NKAIN3: variants seen among roughly 807,000 people sequenced by gnomAD.
NKAIN3 encodes sodium/potassium-transporting ATPase subunit beta-1-interacting protein 3.
In NKAIN3, 25 loss-of-function variants were observed where a neutral mutation model predicts 30.2. The ratio of observed to expected loss-of-function variants is 0.83; its 90% CI spans 0.60 to 1.16. The LOEUF (loss-of-function observed/expected upper bound fraction) is 1.16, where lower values mean the gene tolerates loss of function less well. NKAIN3 is among the 50% of genes most tolerant of loss of function. The pLI, the probability that NKAIN3 is intolerant of heterozygous loss-of-function variation, is 0.00. For missense variants in NKAIN3, 225 were observed against 254.1 expected (o/e 0.89, Z 0.78); for synonymous variants, 91 against 89.6 (o/e 1.02, Z -0.09).
Position 62,463,031 on chromosome 8 carries a change from G to A in NKAIN3, c.55-116508G>A, listed in dbSNP as rs571337658. On this transcript the variant is annotated intron_variant, in intron 1 of 6. Coordinates refer to ENST00000623646, the MANE Select transcript of NKAIN3 (RefSeq NM_001304533.3). Reference sequence around the variant, plus strand: ...CCAAAGTTCCTACCACATTTTGTAGGTTCAAATGTTATAGCACTTCTCATC... The same window carrying A: ...CCAAAGTTCCTACCACATTTTGTAGATTCAAATGTTATAGCACTTCTCATC... Among the ~76,000 whole-genome samples the A allele has an allele frequency of 1.8e-4, 27 of 152,254 alleles. 1 individual carries two copies. Among genetic ancestry groups the A allele is most frequent in the Admixed American group, 1.6e-3 (24 of 15,290 alleles).
At chr8:62,648,263 G>A (rs1370758628) in intron 3 of NKAIN3, among the ~76,000 whole-genome samples, 2 of 152,078 alleles carry the variant, frequency 1.3e-5, no homozygotes, top group African/African-American at 4.8e-5. Context: ...GATAGAGATG[G>A]AGATCTGAGA....
chr8:62,864,375 G>A (rs1820357644), intron 4 of NKAIN3, among the ~76,000 whole-genome samples: 1 of 152,114 alleles, frequency 6.6e-6, no homozygotes, highest in African/African-American at 2.4e-5. Flanking sequence ...TAGACCCTAC[G>A]TGGATAGAAT....
intron 1 of NKAIN3, among the ~76,000 whole-genome samples, chr8:62,397,242 C>G (rs1585761563): frequency 7.1e-6 from 1 of 140,894 alleles, no homozygotes; most frequent in African/African-American, 2.5e-5. Context: ...CCCATTTGTG[C>G]CTTTTATTAT....
chr8:62,442,980 G>C (rs1326098798), intron 1 of NKAIN3, among the ~76,000 whole-genome samples: 1 of 151,716 alleles, frequency 6.6e-6, no homozygotes, highest in Non-Finnish European at 1.5e-5. Flanking sequence ...AGTTTATTGA[G>C]GCTTCCTTTG....
rs1817633306 is a variant in NKAIN3, at chr8:62,789,463, A to C, written c.471+42334A>C. 1.3e-5 allele frequency among the ~76,000 whole-genome samples: 2 copies of C among 152,288 alleles called. 1 individual carries two copies. Among genetic ancestry groups the C allele is most frequent in the East Asian group, 3.9e-4 (2 of 5,184 alleles). On this transcript the variant is annotated intron_variant, in intron 4 of 6. Coordinates refer to ENST00000623646, the MANE Select transcript of NKAIN3 (RefSeq NM_001304533.3). ...GACAATGGGGTTTTCTAGATATACA[A>C]TCACGTCATCTGAAAACAGGGACAA...
rs574738468 is a variant in NKAIN3, at chr8:62,757,465, G to A, written c.471+10336G>A. ...AGCACTATGCTGAGAGCTCAGAGAC[G>A]CAAGGATGGAGATCAACTAAACAAG... On this transcript the variant is annotated intron_variant, in intron 4 of 6. Transcript: ENST00000623646. Among the ~76,000 whole-genome samples the A allele has an allele frequency of 1.0e-3, 154 of 152,212 alleles. 2 individuals carry two copies. The highest frequency in any genetic ancestry group is 3.7e-3 in the African/African-American group (152 of 41,534).
intron 5 of NKAIN3, among the ~76,000 whole-genome samples, chr8:62,938,859 A>C (rs1115644): frequency 0.13 from 19,584 of 152,178 alleles, 1,434 homozygotes; most frequent in East Asian, 0.25. Flanking sequence ...ACACCACCAA[A>C]AGATCACACT....
chr8:62,346,557 A>G (rs1459438592), intron 1 of NKAIN3, among the ~76,000 whole-genome samples: 1 of 152,124 alleles, frequency 6.6e-6, no homozygotes, highest in Non-Finnish European at 1.5e-5. Context: ...GATCATATAC[A>G]TGCAGAAGAA....
intron 3 of NKAIN3, among the ~76,000 whole-genome samples, chr8:62,691,634 A>G (rs1156697064): frequency 6.6e-6 from 1 of 152,186 alleles, no homozygotes; most frequent in Non-Finnish European, 1.5e-5. Flanking sequence ...AAGGCCTATT[A>G]AGTCCTGCAT....
At chr8:62,814,380 C>T (rs1404750049) in intron 4 of NKAIN3, among the ~76,000 whole-genome samples, 1 of 151,656 alleles carries the variant, frequency 6.6e-6, no homozygotes, top group Admixed American at 6.6e-5. Flanking sequence ...TTATTTCAGA[C>T]CTAATAGATA....
At chr8:62,855,369 T>A (rs1010758145) in intron 4 of NKAIN3, 2 of 735,494 alleles carry the variant, frequency 2.7e-6, no homozygotes, top group Non-Finnish European at 4.9e-6. Context: ...TATGCCTCTT[T>A]CAGCATGGGC....
intron 1 of NKAIN3, among the ~76,000 whole-genome samples, chr8:62,312,758 T>C (rs540296001): frequency 7.9e-5 from 12 of 151,360 alleles, no homozygotes; most frequent in African/African-American, 2.9e-4. Flanking sequence ...ATAGAGGCTC[T>C]AGTGAGCCAT....
chr8:62,899,771 A>T (rs1821544760), intron 4 of NKAIN3, among the ~76,000 whole-genome samples: 1 of 152,126 alleles, frequency 6.6e-6, no homozygotes, highest in African/African-American at 2.4e-5. Context: ...CAAAGGATAA[A>T]ATGCTTGAAG....
chr8:62,853,584 G>A (rs572499029), intron 4 of NKAIN3, among the ~76,000 whole-genome samples: 1 of 152,152 alleles, frequency 6.6e-6, no homozygotes, highest in Non-Finnish European at 1.5e-5. Context: ...GTGTTTATTT[G>A]AATCTTCTCT....
At chr8:62,340,791 T>G (rs73684957) in intron 1 of NKAIN3, among the ~76,000 whole-genome samples, 5,946 of 152,018 alleles carry the variant, frequency 0.039, 420 homozygotes, top group African/African-American at 0.14. Flanking sequence ...TGCTGAAACT[T>G]GGCTACGCAG....
intron 1 of NKAIN3, among the ~76,000 whole-genome samples, chr8:62,281,655 G>A (rs757355629): frequency 2.0e-5 from 3 of 152,128 alleles, no homozygotes; most frequent in African/African-American, 7.2e-5. Context: ...TCAGGAGCAG[G>A]TTGTTCAGTT....
intron 5 of NKAIN3, among the ~76,000 whole-genome samples, chr8:62,946,915 G>T (rs2353392): frequency 0.031 from 4,655 of 152,190 alleles, 200 homozygotes; most frequent in East Asian, 0.12. Context: ...AATATAGCTG[G>T]AACAAAACAA....
intron 1 of NKAIN3, among the ~76,000 whole-genome samples, chr8:62,280,882 G>A (rs868250818): frequency 6.6e-6 from 1 of 152,134 alleles, no homozygotes; most frequent in African/African-American, 2.4e-5. Flanking sequence ...GATGATGCTG[G>A]CCTCATAAAA....
intron 4 of NKAIN3, among the ~76,000 whole-genome samples, chr8:62,867,728 C>T (rs1182882211): frequency 6.6e-6 from 1 of 152,190 alleles, no homozygotes; most frequent in Admixed American, 6.5e-5. Context: ...AATGATGAAT[C>T]CAATAGCCTA....
Sources: gnomAD v4.1 joint callset for allele counts (sites outside exome capture counted in the v4.1 genomes callset) on GRCh38, gnomAD v4.1.1 for gene constraint, MANE v1.5 for transcripts, NCBI Gene and HGNC (gene_info 2026-07-23, HGNC 2026-07-21) for gene names.